The following ELOVL5 variants were observed in gnomAD, a reference collection of about 807,000 sequenced individuals.
ELOVL5 encodes the protein ELOVL fatty acid elongase 5.
A neutral mutation model predicts 38.6 loss-of-function variants in ELOVL5; 8 were observed. That is an observed-to-expected ratio of 0.21 (90% CI 0.12 to 0.37). The LOEUF (loss-of-function observed/expected upper bound fraction) is 0.37. ELOVL5 is among the 10% of genes least tolerant of loss of function. The pLI is 1.00. For synonymous variants in ELOVL5, 127 were observed against 133.7 expected (o/e 0.95, Z 0.34); for missense variants, 280 against 367.8 (o/e 0.76, Z 1.95).
chr6:53,335,541 C>T (rs1056608470), intron 1 of ELOVL5, among the ~76,000 whole-genome samples: 7 of 152,056 alleles, frequency 4.6e-5, no homozygotes, highest in Admixed American at 2.6e-4. Context: ...CCTGTTTACT[C>T]GCAGGGCACA....
intron 5 of ELOVL5, 57 bp from the exon 6 acceptor site, chr6:53,273,401 G>T: frequency 6.7e-7 from 1 of 1,481,930 alleles, no homozygotes; most frequent in Non-Finnish European, 9.0e-7. Context: ...AACAGAACAG[G>T]TGGTAAAAAA....
At chr6:53,297,156 C>A (rs919835406) in intron 1 of ELOVL5, among the ~76,000 whole-genome samples, 1 of 151,998 alleles carries the variant, frequency 6.6e-6, no homozygotes, top group African/African-American at 2.4e-5. Flanking sequence ...CCTGAAGGCA[C>A]CAGCTCCCCG....
chr6:53,335,494 C>T (rs1385935883), intron 1 of ELOVL5, among the ~76,000 whole-genome samples: 1 of 152,128 alleles, frequency 6.6e-6, no homozygotes, highest in Non-Finnish European at 1.5e-5. Context: ...TTTCCTCATC[C>T]CCTCCCCCAC....
chr6:53,308,319 A>G lies in ELOVL5; in HGVS notation c.-8-12612T>C, dbSNP rs368700800. Among the ~76,000 whole-genome samples, 57 of 152,280 alleles carry G rather than the reference A, an allele frequency of 3.7e-4. 3 individuals are homozygous for G. Among genetic ancestry groups the G allele is most frequent in the East Asian group, 3.5e-3 (18 of 5,186 alleles). On this transcript the variant is annotated intron_variant, in intron 1 of 7. Transcript: ENST00000304434. ...GTGCTGTGATTATCAGTTATACTGT[A>G]ATTATCTGTTTATCTGTCCACATCC...
intron 1 of ELOVL5, among the ~76,000 whole-genome samples, chr6:53,300,530 T>C (rs1045046313): frequency 1.3e-5 from 2 of 151,916 alleles, no homozygotes; most frequent in Admixed American, 6.5e-5. Flanking sequence ...TTGGAAAACA[T>C]AGAGAAGGCA....
intron 3 of ELOVL5, among the ~76,000 whole-genome samples, chr6:53,282,909 G>C (rs549851918): frequency 1.1e-3 from 168 of 152,302 alleles, no homozygotes; most frequent in African/African-American, 3.5e-3. Flanking sequence ...TGTTTCCAAA[G>C]CAACTGCTCT....
At chr6:53,326,517 T>A (rs1045411610) in intron 1 of ELOVL5, among the ~76,000 whole-genome samples, 5 of 152,054 alleles carry the variant, frequency 3.3e-5, no homozygotes, top group African/African-American at 9.7e-5. Flanking sequence ...TGTCCTTGAC[T>A]CCGGCAGCTC....
chr6:53,293,475 A>T (rs542019361), intron 2 of ELOVL5, among the ~76,000 whole-genome samples: 48 of 151,268 alleles, frequency 3.2e-4, no homozygotes, highest in African/African-American at 1.0e-3. Context: ...ACACCACCAC[A>T]CCCCGCTAAT....
intron 6 of ELOVL5, among the ~76,000 whole-genome samples, chr6:53,271,693 A>G (rs1765937897): frequency 6.6e-6 from 1 of 152,202 alleles, no homozygotes; most frequent in South Asian, 2.1e-4. Context: ...TCTCAGGTTC[A>G]AGAGATCCTT....
At chr6:53,328,895 A>G (rs1768665721) in intron 1 of ELOVL5, among the ~76,000 whole-genome samples, 1 of 152,242 alleles carries the variant, frequency 6.6e-6, no homozygotes, top group Non-Finnish European at 1.5e-5. Flanking sequence ...AGAGCACTAA[A>G]GCAAGCAACC....
chr6:53,301,591 C>T (rs569773979), intron 1 of ELOVL5, among the ~76,000 whole-genome samples: 1 of 152,176 alleles, frequency 6.6e-6, no homozygotes, highest in Admixed American at 6.5e-5. Flanking sequence ...CCCAGAATTA[C>T]AGGTTACAAC....
intron 1 of ELOVL5, among the ~76,000 whole-genome samples, chr6:53,329,415 A>C (rs1027548223): frequency 2.0e-5 from 3 of 152,252 alleles, no homozygotes; most frequent in Non-Finnish European, 4.4e-5. Flanking sequence ...ACTAATAGAT[A>C]TAATCCACAT....
chr6:53,281,408 G>A (rs1225761066), intron 3 of ELOVL5, among the ~76,000 whole-genome samples: 1 of 152,114 alleles, frequency 6.6e-6, no homozygotes, highest in African/African-American at 2.4e-5. Flanking sequence ...AGAAAACAGG[G>A]AATGAGAAGT....
rs756398648 is a variant in ELOVL5, at chr6:53,276,259, A to G, written c.247-3T>C. 6.2e-7 allele frequency: 1 copy of G among 1,601,820 alleles called. No individual in the cohort carries two copies. Among genetic ancestry groups the G allele is most frequent in the Non-Finnish European group, 8.6e-7 (1 of 1,168,950 alleles). On this transcript the variant is annotated splice_region_variant and splice_polypyrimidine_tract_variant and intron_variant, in intron 3 of 7. Coordinates refer to ENST00000304434, the MANE Select transcript of ELOVL5 (RefSeq NM_021814.5). ...CCTTCCCATACTCCTGTTACTAACT[A>G]AAAAAGAAGAAAGAGCCAGTCACCA...
intron 1 of ELOVL5, among the ~76,000 whole-genome samples, chr6:53,316,925 G>A (rs1768068740): frequency 6.6e-6 from 1 of 152,170 alleles, no homozygotes; most frequent in Non-Finnish European, 1.5e-5. Context: ...TAGGAGGCAT[G>A]TCATATAGTT....
intron 4 of ELOVL5, 101 bp from the exon 5 acceptor site, chr6:53,275,362 C>T (rs1257452736): frequency 1.6e-6 from 2 of 1,244,690 alleles, no homozygotes; most frequent in South Asian, 1.4e-5. Context: ...GATGTCAACT[C>T]GGAGAAGCCC....
chr6:53,318,859 T>A (rs904726816), intron 1 of ELOVL5, among the ~76,000 whole-genome samples: 1 of 146,102 alleles, frequency 6.8e-6, no homozygotes, highest in Non-Finnish European at 1.5e-5. Flanking sequence ...ACCCAATATA[T>A]CTAAAATATT....
intron 1 of ELOVL5, among the ~76,000 whole-genome samples, chr6:53,316,439 G>A (rs916218956): frequency 1.3e-5 from 2 of 152,068 alleles, no homozygotes; most frequent in Admixed American, 1.3e-4. Flanking sequence ...TTGCTAGTGG[G>A]GATCAGACAG....
chr6:53,294,832 A>C (rs1344567912), intron 2 of ELOVL5, among the ~76,000 whole-genome samples: 1 of 152,240 alleles, frequency 6.6e-6, no homozygotes, highest in Non-Finnish European at 1.5e-5. Context: ...TAACTAATCA[A>C]GGCTAGCCAC....
Sources: gnomAD v4.1 joint callset for allele counts (sites outside exome capture counted in the v4.1 genomes callset) on GRCh38, gnomAD v4.1.1 for gene constraint, MANE v1.5 for transcripts, NCBI Gene and HGNC (gene_info 2026-07-23, HGNC 2026-07-21) for gene names.